The following DDR2 variants were observed in gnomAD, a reference collection of about 807,000 sequenced individuals.
The protein encoded by DDR2 is discoidin domain receptor tyrosine kinase 2.
DDR2 carries 27 observed loss-of-function variants against 94.9 expected under a neutral mutation model. The observed-to-expected ratio is 0.28, with a 90% confidence interval of 0.21 to 0.39. The LOEUF (loss-of-function observed/expected upper bound fraction) is 0.39, where lower values mean the gene tolerates loss of function less well. Ranked by LOEUF, DDR2 falls within the 10% of genes least tolerant of loss-of-function variation. DDR2 has a pLI of 1.00. For missense variants in DDR2, 783 were observed against 1,076.0 expected (o/e 0.73, Z 3.81); for synonymous variants, 382 against 377.2 (o/e 1.01, Z -0.15).
In DDR2 at chr1:162,675,355, C is replaced by T. The variant is rs192635955; in HGVS notation, c.-28+19981C>T. ...CGGTGGCACAGCAGCAACCACAGGA[C>T]GAAAGCAACTGCAGAGGACATGTGC... On this transcript the variant is annotated intron_variant, in intron 2 of 17. Transcript: ENST00000367921. 5.9e-5 allele frequency among the ~76,000 whole-genome samples: 9 copies of T among 152,158 alleles called. No homozygotes were observed. In the South Asian group the frequency reaches 6.2e-4, roughly 11 times the overall value.
chr1:162,773,167 AG>A (rs1011399274), intron 13 of DDR2, among the ~76,000 whole-genome samples: 97 of 152,380 alleles, frequency 6.4e-4, no homozygotes, highest in African/African-American at 2.2e-3. Context: ...TTGTAATAAA[AG>A]ACATTTTATA....
chr1:162,672,886 T>G (rs572847028), intron 2 of DDR2, among the ~76,000 whole-genome samples: 38 of 152,224 alleles, frequency 2.5e-4, no homozygotes, highest in African/African-American at 8.7e-4. Context: ...GCATCCCCAC[T>G]CAGAGACATG....
At chr1:162,683,372 A>G (rs1034104391) in intron 2 of DDR2, among the ~76,000 whole-genome samples, 16 of 152,176 alleles carry the variant, frequency 1.1e-4, no homozygotes, top group African/African-American at 3.9e-4. Context: ...AAAGGAGGAA[A>G]TAAAACTATA....
intron 3 of DDR2, among the ~76,000 whole-genome samples, chr1:162,746,039 A>G (rs1021434807): frequency 6.6e-6 from 1 of 152,192 alleles, no homozygotes; most frequent in Non-Finnish European, 1.5e-5. Flanking sequence ...GCTCCAGTCT[A>G]CAGCTCCCAG....
intron 3 of DDR2, 114 bp from the exon 4 acceptor site, chr1:162,752,981 A>G (rs1463822418): frequency 1.2e-5 from 11 of 900,400 alleles, no homozygotes; most frequent in South Asian, 1.1e-4. Context: ...GGAATTTAGG[A>G]AGATGTAAAT....
chr1:162,757,590 G>A (rs1663521310), intron 7 of DDR2, among the ~76,000 whole-genome samples: 1 of 152,152 alleles, frequency 6.6e-6, no homozygotes, highest in Non-Finnish European at 1.5e-5. Context: ...AGGAAGAGGA[G>A]AAATTGCTGT....
chr1:162,773,277 G>C (rs552781581), intron 13 of DDR2, among the ~76,000 whole-genome samples, 192 bp from the exon 14 acceptor site: 1 of 152,270 alleles, frequency 6.6e-6, no homozygotes, highest in South Asian at 2.1e-4. Flanking sequence ...CACATTAGCT[G>C]GGTACTTTAC....
chr1:162,651,663 C>T (rs1212485588), intron 1 of DDR2, among the ~76,000 whole-genome samples: 1 of 152,100 alleles, frequency 6.6e-6, no homozygotes, highest in Non-Finnish European at 1.5e-5. Context: ...AACTCAGAAA[C>T]GTGGTTGAAC....
At chr1:162,741,258 G>GTAATA (rs1558057595) in intron 3 of DDR2, among the ~76,000 whole-genome samples, 7 of 107,042 alleles carry the variant, frequency 6.5e-5, no homozygotes, top group East Asian at 2.6e-4. Flanking sequence ...ATAATGTAAT[G>GTAATA]TAATGTAATA....
At chr1:162,744,631 A>G (rs1662763599) in intron 3 of DDR2, among the ~76,000 whole-genome samples, 1 of 152,080 alleles carries the variant, frequency 6.6e-6, no homozygotes, top group Non-Finnish European at 1.5e-5. Context: ...ACCATCATCT[A>G]CATTAGGTAT....
At chr1:162,656,859 G>GTTTTTTTTTTTT (rs200020368) in intron 2 of DDR2, among the ~76,000 whole-genome samples, 1 of 107,208 alleles carries the variant, frequency 9.3e-6, no homozygotes, top group Non-Finnish European at 1.8e-5. Flanking sequence ...TATTTTTTTT[G>GTTTTTTTTTTTT]TTAACAGGGT....
At chr1:162,682,717 T>C (rs1030073646) in intron 2 of DDR2, among the ~76,000 whole-genome samples, 1 of 152,242 alleles carries the variant, frequency 6.6e-6, no homozygotes, top group Admixed American at 6.5e-5. Flanking sequence ...ATTTTAAGGA[T>C]TTTGAAGATA....
chr1:162,770,035 A>G (rs1044680628), intron 11 of DDR2, among the ~76,000 whole-genome samples: 18 of 152,106 alleles, frequency 1.2e-4, no homozygotes, highest in Non-Finnish European at 2.5e-4. Context: ...CAACAGGGAG[A>G]TAATCTTTTT....
chr1:162,651,266 TCTTCCAG>T (rs1657675008), intron 1 of DDR2, among the ~76,000 whole-genome samples: 1 of 152,198 alleles, frequency 6.6e-6, no homozygotes, highest in Non-Finnish European at 1.5e-5. Flanking sequence ...ACCTCAATCA[TCTTCCAG>T]CTTCCAGCTT....
rs1010929712 is a variant in DDR2, at chr1:162,683,294, A to G, written c.-28+27920A>G. Among the ~76,000 whole-genome samples, 8 of 152,238 alleles carry G rather than the reference A, an allele frequency of 5.3e-5. No homozygotes were observed. The East Asian group carries it at 1.4e-3, about 26-fold the overall frequency. On this transcript the variant is annotated intron_variant, in intron 2 of 17. Coordinates refer to ENST00000367921, the MANE Select transcript of DDR2 (RefSeq NM_006182.4). The stretch of plus-strand genomic sequence containing the variant: ...CAAGGCAAGAATATCTGCTCCTGCC[A>G]CTCCTATTCAACATAGCACTGGAAA...
intron 1 of DDR2, among the ~76,000 whole-genome samples, chr1:162,642,818 TC>T (rs900615856): frequency 6.6e-6 from 1 of 152,192 alleles, no homozygotes; most frequent in African/African-American, 2.4e-5. Context: ...GAAATACTTT[TC>T]ATTTGTTAAA....
intron 2 of DDR2, among the ~76,000 whole-genome samples, chr1:162,657,007 CT>C (rs1355127340): frequency 6.6e-6 from 1 of 151,466 alleles, no homozygotes; most frequent in Admixed American, 6.6e-5. Context: ...CACGCCACCA[CT>C]TTGTATTTTT....
At chr1:162,700,770 T>A (rs1660395589) in intron 2 of DDR2, among the ~76,000 whole-genome samples, 1 of 152,188 alleles carries the variant, frequency 6.6e-6, no homozygotes, top group Non-Finnish European at 1.5e-5. Flanking sequence ...AAGATGCCTC[T>A]ATGAGGTGTT....
At chr1:162,666,953 T>C (rs1658606004) in intron 2 of DDR2, among the ~76,000 whole-genome samples, 1 of 150,280 alleles carries the variant, frequency 6.7e-6, no homozygotes, top group African/African-American at 2.4e-5. Flanking sequence ...TGCAAACTCA[T>C]AAATATATAT....
Sources: allele counts gnomAD v4.1 joint callset (sites outside exome capture counted in the v4.1 genomes callset), GRCh38; gene constraint gnomAD v4.1.1; transcripts MANE v1.5; gene names NCBI Gene and HGNC (gene_info 2026-07-23, HGNC 2026-07-21).